Variants in ARL13B observed in about 807,000 individuals in gnomAD.
ARL13B encodes ARF like GTPase 13B.
Under a neutral mutation model 56.1 loss-of-function variants are expected in ARL13B, and 36 were observed. The observed-to-expected ratio is 0.64, with a 90% CI of 0.49 to 0.85. The LOEUF is 0.85. Ranked by LOEUF, ARL13B falls within the 40% of genes least tolerant of loss-of-function variation. ARL13B has a pLI of 0.00. For missense variants in ARL13B, 519 were observed against 507.1 expected (o/e 1.02, Z -0.23); for synonymous variants, 178 against 171.1 (o/e 1.04, Z -0.32).
At chr3:94,028,074 C>T (rs2076594789) in intron 3 of ARL13B, among the ~76,000 whole-genome samples, 3 of 152,204 alleles carry the variant, frequency 2.0e-5, no homozygotes, top group South Asian at 2.1e-4. Flanking sequence ...TTACATCTGA[C>T]TTTCTAGTAT....
At chr3:93,985,857 A>T (rs1218128490) in intron 1 of ARL13B, among the ~76,000 whole-genome samples, 1 of 152,138 alleles carries the variant, frequency 6.6e-6, no homozygotes, top group East Asian at 1.9e-4. Context: ...TTATTAGTAA[A>T]TTGTTTGCTG....
intron 5 of ARL13B, 37 bp downstream of exon 5, chr3:94,036,791 G>T (rs370220151): frequency 6.4e-7 from 1 of 1,573,612 alleles, no homozygotes; most frequent in Non-Finnish European, 8.6e-7. Flanking sequence ...TGCATTTGAA[G>T]GATCAAAAAC....
In ARL13B at chr3:94,055,422, A is replaced by G. The variant is rs367892014; in HGVS notation, c.*2159A>G. ...GCATTTTTTTGATACTTTACACACA[A>G]AACTTTTTTCTCTCTGCAAGTTTTT... is the stretch of plus-strand genomic sequence containing the variant. On this transcript the variant is annotated 3_prime_UTR_variant, in exon 10 of 10. Transcript: ENST00000394222. 3.1e-5 allele frequency: 14 copies of G among 452,608 alleles called. No homozygotes were observed. Among genetic ancestry groups the G allele is most frequent in the African/African-American group, 2.6e-4 (13 of 49,960 alleles). The allele number at this position is 452,608 out of a possible 1,614,324, so 28.0% of individuals were successfully genotyped here. A position where few individuals can be genotyped will look rare whatever the true frequency, so the allele number is the denominator to read the frequency against.
intron 3 of ARL13B, chr3:94,014,893 G>A (rs1169522513): frequency 6.2e-7 from 1 of 1,613,658 alleles, no homozygotes; most frequent in African/African-American, 1.3e-5. Context: ...GACCACTGAA[G>A]ATGGACCATT....
intron 2 of ARL13B, among the ~76,000 whole-genome samples, chr3:94,002,399 A>C (rs2076069765): frequency 6.6e-6 from 1 of 152,150 alleles, no homozygotes; most frequent in Non-Finnish European, 1.5e-5. Context: ...TTGAAATGTA[A>C]CTGATGCAAC....
intron 3 of ARL13B, among the ~76,000 whole-genome samples, chr3:94,025,137 A>G (rs2076528602): frequency 6.6e-6 from 1 of 151,816 alleles, no homozygotes. Flanking sequence ...TTATCCATGT[A>G]ATATCATTCC....
chr3:93,996,038 A>G, intron 2 of ARL13B, 94 bp downstream of exon 2: 1 of 1,273,058 alleles, frequency 7.9e-7, no homozygotes, highest in Non-Finnish European at 1.1e-6. Flanking sequence ...TTAATTTGGT[A>G]CAGATACTGT....
chr3:94,011,104 T>C (rs891424389), intron 3 of ARL13B, among the ~76,000 whole-genome samples: 5 of 152,124 alleles, frequency 3.3e-5, no homozygotes, highest in African/African-American at 1.2e-4. Context: ...CTCTTCAATT[T>C]TGTGATATTT....
chr3:93,994,135 T>C (rs1329413149), intron 1 of ARL13B, among the ~76,000 whole-genome samples: 1 of 152,210 alleles, frequency 6.6e-6, no homozygotes, highest in Non-Finnish European at 1.5e-5. Context: ...TGGCCTATGG[T>C]CTAACATGAA....
rs766488499 is a variant in ARL13B, at chr3:94,053,335, A to G, written c.*72A>G. 3 of 1,359,344 alleles carry G rather than the reference A, an allele frequency of 2.2e-6. No homozygotes were observed. Among genetic ancestry groups the G allele is most frequent in the Non-Finnish European group, 3.1e-6 (3 of 954,598 alleles). 84.2% of individuals were successfully genotyped at this position (1,359,344 alleles called of 1,614,324 possible). A position where few individuals can be genotyped will look rare whatever the true frequency, so the allele number is the denominator to read the frequency against. ...GACATTCTTCTTTCTCAGAAGAAGA[A>G]ACATCTTGTAAATTGATGACTGGGG... On this transcript the variant is annotated 3_prime_UTR_variant, in exon 10 of 10. Coordinates refer to ENST00000394222, the MANE Select transcript of ARL13B (RefSeq NM_001174150.2).
chr3:94,051,735 A>G (rs1037886377), intron 9 of ARL13B, among the ~76,000 whole-genome samples: 11 of 152,122 alleles, frequency 7.2e-5, no homozygotes, highest in Non-Finnish European at 1.5e-4. Flanking sequence ...CTTACTAGGA[A>G]AAAACTCAGA....
intron 1 of ARL13B, among the ~76,000 whole-genome samples, chr3:93,990,285 G>A (rs573479063): frequency 2.6e-5 from 4 of 152,158 alleles, no homozygotes; most frequent in East Asian, 1.9e-4. Flanking sequence ...TGAGATTACA[G>A]GCATGAGCCA....
chr3:93,980,390 C>G lies in ARL13B; in HGVS notation c.-34C>G. On this transcript the variant is annotated 5_prime_UTR_variant, in exon 1 of 10. Coordinates refer to ENST00000394222, the MANE Select transcript of ARL13B (RefSeq NM_001174150.2). The stretch of plus-strand genomic sequence containing the variant: ...GCGGGGTGCCGGTGTCCGCTCCGGG[C>G]TCGGATGGGAAGTGGTGGGAGGAGC... 1 of 1,609,996 alleles carries G rather than the reference C, an allele frequency of 6.2e-7. No individual in the cohort carries two copies. The highest frequency in any genetic ancestry group is 8.5e-7 in the Non-Finnish European group (1 of 1,179,852).
At chr3:93,988,964 C>T in intron 1 of ARL13B, 1 of 303,592 alleles carries the variant, frequency 3.3e-6, no homozygotes. Flanking sequence ...GCAGGAGGGG[C>T]ACTTGCTGGG....
chr3:94,021,756 C>T (rs1196357075), intron 3 of ARL13B, among the ~76,000 whole-genome samples: 3 of 152,118 alleles, frequency 2.0e-5, no homozygotes, highest in African/African-American at 7.2e-5. Context: ...GTATTTATGA[C>T]TCCCTAATCT....
intron 1 of ARL13B, among the ~76,000 whole-genome samples, chr3:93,981,785 G>C (rs1710228092): frequency 7.0e-6 from 1 of 142,664 alleles, no homozygotes; most frequent in Non-Finnish European, 1.5e-5. Flanking sequence ...GAATCAGTAG[G>C]ATCACTTGAG....
At chr3:94,031,146 C>T (rs1243425694) in intron 3 of ARL13B, among the ~76,000 whole-genome samples, 2 of 152,136 alleles carry the variant, frequency 1.3e-5, no homozygotes. Context: ...GAGCTGTTGT[C>T]ACACCTCTGC....
At position 94,036,612 on chromosome 3, in the gene ARL13B, CT is replaced by C. The variant is rs1180104221; in HGVS notation, c.550del (p.Tyr184IlefsTer14). On this transcript the variant is annotated frameshift_variant, in exon 5 of 10. Transcript: ENST00000394222. LOFTEE classifies it high-confidence loss of function. ...AATTGACAAGTCCATTAAAAAAGGC[CT>C]TTATTGGCTGCTACATGTTATTGCA... ...KKIDKSIKKG[L>X]YWLLHVIARD... The C allele has an allele frequency of 6.2e-7, 1 of 1,613,952 alleles. No homozygotes were observed.
At chr3:94,041,885 C>T (rs1483605955) in intron 6 of ARL13B, among the ~76,000 whole-genome samples, 1 of 152,010 alleles carries the variant, frequency 6.6e-6, no homozygotes, top group Non-Finnish European at 1.5e-5. Flanking sequence ...ACGGTGAAAC[C>T]CTGTCTCTGC....
Sources: allele counts gnomAD v4.1 joint callset (sites outside exome capture counted in the v4.1 genomes callset), GRCh38; gene constraint gnomAD v4.1.1; transcripts MANE v1.5; gene names NCBI Gene and HGNC (gene_info 2026-07-23, HGNC 2026-07-21).